TMEM132B: variants seen among roughly 807,000 people sequenced by gnomAD.
TMEM132B encodes the protein transmembrane protein 132B.
A neutral mutation model predicts 90.8 loss-of-function variants in TMEM132B; 18 were observed. The observed-to-expected ratio is 0.20, with a 90% CI of 0.14 to 0.29. The LOEUF is 0.29. Among genes scored for constraint, TMEM132B ranks in the 10% least tolerant of loss-of-function variants. TMEM132B has a pLI of 1.00. For synonymous variants in TMEM132B, 504 were observed against 523.3 expected, an observed-to-expected ratio of 0.96 and a Z score of 0.50; for missense variants, 1,096 against 1,326.8, an observed-to-expected ratio of 0.83 and a Z score of 2.70.
At chr12:125,400,513 TG>T (rs1879289098) in intron 2 of TMEM132B, among the ~76,000 whole-genome samples, 1 of 152,214 alleles carries the variant, frequency 6.6e-6, no homozygotes, top group Non-Finnish European at 1.5e-5. Flanking sequence ...TCCAGCCCCC[TG>T]GACAGGAGCA....
At chr12:125,317,415 C>T (rs1307802974) in intron 1 of TMEM132B, among the ~76,000 whole-genome samples, 1 of 152,182 alleles carries the variant, frequency 6.6e-6, no homozygotes, top group Non-Finnish European at 1.5e-5. Context: ...GCATCCGGAG[C>T]ATGGATCCAC....
chr12:125,194,270 G>C (rs569487580), intron 1 of TMEM132B, among the ~76,000 whole-genome samples: 16 of 149,454 alleles, frequency 1.1e-4, no homozygotes, highest in African/African-American at 1.5e-4. Context: ...TAACCCGTTG[G>C]TGGGGGGGTC....
At chr12:125,219,614 G>T (rs1207944870) in intron 1 of TMEM132B, among the ~76,000 whole-genome samples, 2 of 152,108 alleles carry the variant, frequency 1.3e-5, no homozygotes, top group Non-Finnish European at 1.5e-5. Context: ...AACCCTCCCC[G>T]CCAGGCTCTG....
chr12:125,504,167 C>T (rs75042412), intron 3 of TMEM132B, among the ~76,000 whole-genome samples: 1 of 152,150 alleles, frequency 6.6e-6, no homozygotes, highest in East Asian at 1.9e-4. Context: ...CATTGACTTT[C>T]TGCTTAGCTG....
intron 3 of TMEM132B, among the ~76,000 whole-genome samples, chr12:125,455,590 C>G (rs1264173601): frequency 2.0e-5 from 3 of 151,660 alleles, no homozygotes; most frequent in Non-Finnish European, 2.9e-5. Context: ...TTACTATTTT[C>G]TGAGTTCCCT....
At chr12:125,485,479 C>T (rs1361651882) in intron 3 of TMEM132B, among the ~76,000 whole-genome samples, 1 of 152,166 alleles carries the variant, frequency 6.6e-6, no homozygotes, top group East Asian at 1.9e-4. Flanking sequence ...TTAGATGGGA[C>T]AAATTCTCCT....
chr12:125,517,793 G>A (rs1416743338), intron 3 of TMEM132B, among the ~76,000 whole-genome samples: 1 of 152,192 alleles, frequency 6.6e-6, no homozygotes, highest in African/African-American at 2.4e-5. Context: ...AGACAAGGAA[G>A]CTGATGGCGG....
At chr12:125,526,107 C>G (rs1399386015) in intron 4 of TMEM132B, among the ~76,000 whole-genome samples, 1 of 152,158 alleles carries the variant, frequency 6.6e-6, no homozygotes, top group East Asian at 1.9e-4. Flanking sequence ...AGGCTGTGTC[C>G]TCGCCAGTGT....
At chr12:125,334,776 G>C (rs888397210) in intron 1 of TMEM132B, among the ~76,000 whole-genome samples, 1 of 152,212 alleles carries the variant, frequency 6.6e-6, no homozygotes, top group Non-Finnish European at 1.5e-5. Context: ...CAAGCATATT[G>C]CACACTTCTC....
intron 1 of TMEM132B, among the ~76,000 whole-genome samples, chr12:125,271,452 G>A (rs1407719564): frequency 2.0e-5 from 3 of 152,156 alleles, no homozygotes; most frequent in African/African-American, 4.8e-5. Flanking sequence ...GTTTTGTATT[G>A]AGAGTCTGCT....
intron 2 of TMEM132B, among the ~76,000 whole-genome samples, chr12:125,392,526 C>G (rs994694149): frequency 2.6e-5 from 4 of 152,220 alleles, no homozygotes; most frequent in Non-Finnish European, 4.4e-5. Flanking sequence ...GGCTTTGAAC[C>G]TAGGCATCGG....
intron 1 of TMEM132B, among the ~76,000 whole-genome samples, chr12:125,240,065 A>T (rs1424513399): frequency 6.6e-6 from 1 of 152,188 alleles, no homozygotes. Context: ...TGGATCTGCC[A>T]TGTGGCTTGC....
At chr12:125,629,568 A>T (rs180908447) in intron 5 of TMEM132B, among the ~76,000 whole-genome samples, 1 of 152,194 alleles carries the variant, frequency 6.6e-6, no homozygotes, top group African/African-American at 2.4e-5. Context: ...CAAATATAAG[A>T]TCATATAATC....
intron 4 of TMEM132B, among the ~76,000 whole-genome samples, chr12:125,559,554 G>A (rs568501621): frequency 1.2e-4 from 18 of 152,300 alleles, no homozygotes; most frequent in African/African-American, 2.9e-4. Flanking sequence ...CCAGCCAGAC[G>A]CCCTCCTGGT....
chr12:125,398,695 G>C (rs1879229785), intron 2 of TMEM132B, among the ~76,000 whole-genome samples: 1 of 152,186 alleles, frequency 6.6e-6, no homozygotes, highest in Admixed American at 6.5e-5. Flanking sequence ...TTACATATTG[G>C]CTATCAAATT....
At chr12:125,339,873 A>G (rs1877120666) in intron 1 of TMEM132B, among the ~76,000 whole-genome samples, 1 of 152,236 alleles carries the variant, frequency 6.6e-6, no homozygotes, top group Non-Finnish European at 1.5e-5. Flanking sequence ...TGAGGTGCCA[A>G]GGGTTAGGAC....
At position 125,186,431 on chromosome 12, in the gene TMEM132B, A is replaced by AGGC. The variant is rs546589513; in HGVS notation, c.-349_-347dup. Among the ~76,000 whole-genome samples, 31,798 of 144,420 alleles carry AGGC rather than the reference A, an allele frequency of 0.22. 4,430 individuals carry two copies. The highest frequency in any genetic ancestry group is 0.44 in the East Asian group (2,099 of 4,784). The allele number at this position is 144,420 out of a possible 152,430, so 94.7% of individuals were successfully genotyped here. Reference sequence around the variant, plus strand: ...GGCGGCCGGCAGATGGCGATGGCAGAGGCGGCGGCGGCGGCGGCGGCGCGA... The same window carrying AGGC: ...GGCGGCCGGCAGATGGCGATGGCAGAGGCGGCGGCGGCGGCGGCGGCGGCGCGA... On this transcript the variant is annotated 5_prime_UTR_variant, in exon 1 of 9. Coordinates refer to ENST00000682704, the MANE Select transcript of TMEM132B (RefSeq NM_001366854.1). The surrounding 1 kb of genome is among the most constrained non-coding windows in gnomAD (Gnocchi z 6.3).
At chr12:125,622,618 C>G in intron 5 of TMEM132B, 2 of 985,444 alleles carry the variant, frequency 2.0e-6, no homozygotes, top group Non-Finnish European at 2.4e-6. Context: ...CTGGAAATCT[C>G]CACTTTGAGT....
At chr12:125,344,785 T>C (rs1877302920) in intron 1 of TMEM132B, among the ~76,000 whole-genome samples, 1 of 152,020 alleles carries the variant, frequency 6.6e-6, no homozygotes, top group Admixed American at 6.5e-5. Flanking sequence ...TCTGCTCACA[T>C]GTGGGTGATG....
Sources: allele counts gnomAD v4.1 joint callset (sites outside exome capture counted in the v4.1 genomes callset), GRCh38; gene constraint gnomAD v4.1.1; non-coding constraint Gnocchi (gnomAD v3.1); transcripts MANE v1.5; gene names NCBI Gene and HGNC (gene_info 2026-07-23, HGNC 2026-07-21).